Variants in DMD observed in about 807,000 individuals in gnomAD.
The protein encoded by DMD is dystrophin.
Under a neutral mutation model 330.1 loss-of-function variants are expected in DMD, and 63 were observed. The ratio of observed to expected loss-of-function variants is 0.19; its 90% CI spans 0.16 to 0.24. The LOEUF (loss-of-function observed/expected upper bound fraction) is 0.24, where lower values mean the gene tolerates loss of function less well. Among genes scored for constraint, DMD ranks in the 10% least tolerant of loss-of-function variants. The probability of loss-of-function intolerance (pLI) is 1.00; values close to 1 mark genes in which losing one functional copy is unlikely to be tolerated. For missense variants in DMD, 3,344 were observed against 2,684.1 expected (o/e 1.25, Z -5.43); for synonymous variants, 1,223 against 959.8 (o/e 1.27, Z -5.07).
intron 2 of DMD, among the ~76,000 whole-genome samples, chrX:32,988,076 TA>T (rs1236280250): frequency 2.7e-5 from 3 of 111,005 alleles, no homozygotes; most frequent in African/African-American, 9.8e-5. Flanking sequence ...ATATGTAAAA[TA>T]TCATTCATGG....
intron 21 of DMD, among the ~76,000 whole-genome samples, chrX:32,482,577 C>T (rs2042006278): frequency 9.0e-6 from 1 of 111,611 alleles, no homozygotes; most frequent in East Asian, 2.8e-4. Flanking sequence ...GTTTCTTCTA[C>T]GTTTTGGCTA....
At position 31,448,380 on chromosome X, in the gene DMD, G is replaced by A. The variant is rs759063848; in HGVS notation, c.8938-3753C>T. Among the ~76,000 whole-genome samples the A allele has an allele frequency of 1.1e-3, 123 of 112,111 alleles. 1 individual carries two copies. The highest frequency in any genetic ancestry group is 2.1e-3 in the Non-Finnish European group (110 of 53,226). On this transcript the variant is annotated intron_variant, in intron 59 of 78. Transcript: ENST00000357033. ...CCACCCAAGGATGGCTCACCACTGT[G>A]GGCTCTCAGTGCCCAGCAGCATACA...
At chrX:31,171,831 A>G (rs954035252) in intron 73 of DMD, among the ~76,000 whole-genome samples, 4 of 111,906 alleles carry the variant, frequency 3.6e-5, no homozygotes, top group Non-Finnish European at 7.5e-5. Context: ...ACTCTTCATA[A>G]GATTGCCTCA....
intron 43 of DMD, among the ~76,000 whole-genome samples, chrX:32,222,436 A>G (rs1212634953): frequency 8.9e-6 from 1 of 112,354 alleles, no homozygotes; most frequent in Admixed American, 9.5e-5. Flanking sequence ...TCAGAGCAGA[A>G]CTAAATGAAA....
At chrX:33,163,552 GTATA>G (rs781153726) in intron 1 of DMD, among the ~76,000 whole-genome samples, 12 of 90,989 alleles carry the variant, frequency 1.3e-4, no homozygotes, top group East Asian at 1.0e-3. Flanking sequence ...ATATATGTGT[GTATA>G]TATATATATA....
intron 29 of DMD, among the ~76,000 whole-genome samples, chrX:32,417,835 A>G (rs2098172045): frequency 9.0e-6 from 1 of 110,795 alleles, no homozygotes; most frequent in South Asian, 3.8e-4. Context: ...ACACACACAC[A>G]CACACACACA....
At chrX:31,760,946 T>TC (rs1456150378) in intron 51 of DMD, among the ~76,000 whole-genome samples, 1 of 101,188 alleles carries the variant, frequency 9.9e-6, no homozygotes, top group Non-Finnish European at 2.0e-5. Context: ...GTTAGTATTT[T>TC]TTTTTTTTTT....
At chrX:33,067,156 C>T (rs2094676205) in intron 1 of DMD, among the ~76,000 whole-genome samples, 1 of 111,565 alleles carries the variant, frequency 9.0e-6, no homozygotes, top group Non-Finnish European at 1.9e-5. Context: ...ACGGATAACA[C>T]GTATACCTAC....
At chrX:31,355,731 G>T (rs1480894116) in intron 60 of DMD, among the ~76,000 whole-genome samples, 1 of 111,018 alleles carries the variant, frequency 9.0e-6, no homozygotes, top group African/African-American at 3.3e-5. Flanking sequence ...ATAAATACGT[G>T]CCCAAACATT....
At chrX:32,565,978 G>C (rs2051661103) in intron 15 of DMD, 97 bp from the exon 16 acceptor site, 1 of 781,599 alleles carries the variant, frequency 1.3e-6, no homozygotes, top group Admixed American at 2.7e-5. Flanking sequence ...CATTTGCATA[G>C]ATAAGAAAAT....
intron 1 of DMD, among the ~76,000 whole-genome samples, chrX:33,130,913 C>A (rs2095495692): frequency 9.0e-6 from 1 of 111,552 alleles, no homozygotes; most frequent in Non-Finnish European, 1.9e-5. Flanking sequence ...TCAGGTATTG[C>A]ATTCAAGAAT....
At chrX:32,622,511 T>C (rs2058063466) in intron 11 of DMD, among the ~76,000 whole-genome samples, 1 of 111,995 alleles carries the variant, frequency 8.9e-6, no homozygotes, top group African/African-American at 3.2e-5. Flanking sequence ...TAGCTACAAA[T>C]ATCAAATCTG....
chrX:32,004,203 T>C (rs2150371676), intron 44 of DMD, among the ~76,000 whole-genome samples: 1 of 111,324 alleles, frequency 9.0e-6, no homozygotes, highest in East Asian at 2.8e-4. Flanking sequence ...CTTTCCACTA[T>C]ACTACAATTA....
intron 44 of DMD, among the ~76,000 whole-genome samples, chrX:32,046,638 T>C (rs937099721): frequency 2.7e-5 from 3 of 112,033 alleles, no homozygotes; most frequent in Non-Finnish European, 3.8e-5. Context: ...ATCCCAAGGC[T>C]TGGAGTTTGA....
chrX:32,689,914 A>G (rs2063149965), intron 9 of DMD, among the ~76,000 whole-genome samples: 1 of 111,062 alleles, frequency 9.0e-6, no homozygotes, highest in African/African-American at 3.3e-5. Flanking sequence ...GCTTCAATGT[A>G]AAAGCCATAT....
chrX:32,098,238 G>T (rs919250323), intron 44 of DMD, among the ~76,000 whole-genome samples: 3 of 111,081 alleles, frequency 2.7e-5, no homozygotes, highest in Non-Finnish European at 5.7e-5. Context: ...TAAATATATA[G>T]AAATAAATAA....
chrX:33,022,067 T>C (rs1050371971), intron 1 of DMD, among the ~76,000 whole-genome samples: 2 of 111,710 alleles, frequency 1.8e-5, no homozygotes, highest in African/African-American at 3.2e-5. Flanking sequence ...CAGTAGTATA[T>C]ACATATATTC....
intron 1 of DMD, among the ~76,000 whole-genome samples, chrX:33,036,394 A>G (rs938956625): frequency 6.3e-5 from 7 of 111,491 alleles, no homozygotes; most frequent in African/African-American, 2.0e-4. Context: ...TTCAAACACA[A>G]TTTAAATATC....
At chrX:31,470,315 T>C (rs892530461) in intron 59 of DMD, among the ~76,000 whole-genome samples, 1 of 111,777 alleles carries the variant, frequency 8.9e-6, no homozygotes, top group Non-Finnish European at 1.9e-5. Context: ...TGGATTTATC[T>C]ACCTTTGGTC....
Sources: gnomAD v4.1 joint callset for allele counts (sites outside exome capture counted in the v4.1 genomes callset) on GRCh38, gnomAD v4.1.1 for gene constraint, MANE v1.5 for transcripts, NCBI Gene and HGNC (gene_info 2026-07-23, HGNC 2026-07-21) for gene names.